FRMPD4: variants seen among roughly 807,000 people sequenced by gnomAD.
FRMPD4 encodes FERM and PDZ domain-containing protein 4.
Under a neutral mutation model 94.1 loss-of-function variants are expected in FRMPD4, and 22 were observed. That is an observed-to-expected ratio of 0.23 (90% confidence interval 0.17 to 0.33). The LOEUF is 0.33. Ranked by LOEUF, FRMPD4 falls within the 10% of genes least tolerant of loss-of-function variation. The pLI, the probability that FRMPD4 is intolerant of heterozygous loss-of-function variation, is 1.00. For synonymous variants in FRMPD4, 631 were observed against 548.6 expected (o/e 1.15, Z -2.10); for missense variants, 1,111 against 1,339.9 (o/e 0.83, Z 2.67).
intron 1 of FRMPD4, among the ~76,000 whole-genome samples, chrX:12,473,018 C>G (rs1370300547): frequency 9.1e-6 from 1 of 109,668 alleles, no homozygotes; most frequent in Admixed American, 9.5e-5. Context: ...TTGTCAGATT[C>G]ACCAAAGTTG....
chrX:12,717,052 C>T lies in FRMPD4; in HGVS notation c.2593C>T (p.Leu865=). ...TSAEGKCEKG[L]DNAVVSTLGA... ...CGCCGAAGGCAAGTGTGAGAAGGGA[C>T]TGGATAATGCCGTCGTCTCCACGCT... The change falls in exon 15 of 17, where the codon CTG becomes TTG. Residue 865 remains leucine, a synonymous_variant. Coordinates refer to ENST00000675598, the MANE Select transcript of FRMPD4 (RefSeq NM_001368397.1). The T allele has an allele frequency of 1.7e-6, 2 of 1,208,971 alleles. No individual in the cohort carries two copies. Among genetic ancestry groups the T allele is most frequent in the Non-Finnish European group, 2.2e-6 (2 of 892,787 alleles).
At chrX:12,649,677 A>G (rs2059580047) in intron 4 of FRMPD4, among the ~76,000 whole-genome samples, 1 of 112,455 alleles carries the variant, frequency 8.9e-6, no homozygotes, top group African/African-American at 3.2e-5. Context: ...ACATACTCGG[A>G]AGAGTTCTTG....
intron 1 of FRMPD4, among the ~76,000 whole-genome samples, chrX:12,328,418 T>C (rs2055321508): frequency 8.9e-6 from 1 of 111,919 alleles, no homozygotes; most frequent in Non-Finnish European, 1.9e-5. Context: ...CCATCCCAGC[T>C]GAGGCCACAC....
At chrX:12,512,712 A>T (rs2058056217) in intron 2 of FRMPD4, among the ~76,000 whole-genome samples, 1 of 112,589 alleles carries the variant, frequency 8.9e-6, no homozygotes. Flanking sequence ...TAATAGAATG[A>T]TCTATATTCC....
At chrX:12,561,396 G>A (rs2058658842) in intron 2 of FRMPD4, among the ~76,000 whole-genome samples, 1 of 112,139 alleles carries the variant, frequency 8.9e-6, no homozygotes. Flanking sequence ...TTAAGGAATT[G>A]TCTGCCTCTA....
At chrX:12,521,901 A>C (rs757589851) in intron 2 of FRMPD4, among the ~76,000 whole-genome samples, 1 of 53,089 alleles carries the variant, frequency 1.9e-5, no homozygotes, top group East Asian at 3.7e-4. Flanking sequence ...TGAATTTCTG[A>C]AGAAAGATAA....
intron 3 of FRMPD4, among the ~76,000 whole-genome samples, chrX:11,894,274 G>A (rs185465803): frequency 3.7e-4 from 41 of 112,249 alleles, no homozygotes; most frequent in African/African-American, 1.3e-3. Context: ...CTCATCATAT[G>A]AGAGTTATTC....
intron 1 of FRMPD4, among the ~76,000 whole-genome samples, chrX:12,443,466 C>CAGTTTTACA (rs1812917186): frequency 9.0e-6 from 1 of 111,641 alleles, no homozygotes; most frequent in Non-Finnish European, 1.9e-5. Flanking sequence ...GTTAAAAATT[C>CAGTTTTACA]AGTTTTACAC....
At chrX:12,100,334 C>T (rs2055244900) in intron 3 of FRMPD4, among the ~76,000 whole-genome samples, 1 of 111,883 alleles carries the variant, frequency 8.9e-6, no homozygotes, top group East Asian at 2.8e-4. Context: ...GATTTTAAAT[C>T]TCACAACAGC....
chrX:12,475,861 T>C (rs2057590677), intron 1 of FRMPD4, among the ~76,000 whole-genome samples: 1 of 111,266 alleles, frequency 9.0e-6, no homozygotes, highest in Non-Finnish European at 1.9e-5. Flanking sequence ...GTAGGAAGAA[T>C]CAATATTGTG....
At chrX:12,027,615 A>T (rs1290882653) in intron 3 of FRMPD4, among the ~76,000 whole-genome samples, 1 of 112,014 alleles carries the variant, frequency 8.9e-6, no homozygotes, top group Non-Finnish European at 1.9e-5. Flanking sequence ...CCTGATGCAA[A>T]AAAAAAATCA....
chrX:12,371,272 A>G (rs1197213577), intron 1 of FRMPD4, among the ~76,000 whole-genome samples: 1 of 112,648 alleles, frequency 8.9e-6, no homozygotes, highest in Non-Finnish European at 1.9e-5. Context: ...TTGGCTACCC[A>G]TATGGCGTAG....
At chrX:11,953,030 C>T (rs752591128) in intron 3 of FRMPD4, among the ~76,000 whole-genome samples, 6 of 111,624 alleles carry the variant, frequency 5.4e-5, no homozygotes, top group South Asian at 7.7e-4. Context: ...AACCTAATGA[C>T]ATGGCTGTGA....
intron 5 of FRMPD4, among the ~76,000 whole-genome samples, chrX:12,676,853 A>G (rs149427772): frequency 3.1e-3 from 345 of 112,118 alleles, no homozygotes; most frequent in African/African-American, 0.01. Context: ...AGGAAGTGTC[A>G]CATGTTCTTA....
At chrX:12,148,297 G>C (rs1357267253) in intron 1 of FRMPD4, among the ~76,000 whole-genome samples, 14 of 112,248 alleles carry the variant, frequency 1.2e-4, no homozygotes, top group Non-Finnish European at 1.9e-5. Context: ...CAAACGATAA[G>C]AAAGTGAAAC....
chrX:11,990,802 T>C (rs902349501), intron 3 of FRMPD4, among the ~76,000 whole-genome samples: 1 of 111,911 alleles, frequency 8.9e-6, no homozygotes, highest in Non-Finnish European at 1.9e-5. Context: ...TGTAATCTGG[T>C]GTGGAGCTAG....
At chrX:12,584,888 TGTGGA>T (rs755943692) in intron 2 of FRMPD4, among the ~76,000 whole-genome samples, 10 of 112,183 alleles carry the variant, frequency 8.9e-5, no homozygotes, top group Non-Finnish European at 1.7e-4. Flanking sequence ...TGCTAAAGTA[TGTGGA>T]GTGAATTGGG....
chrX:12,581,458 AAAGT>A (rs1209777164), intron 2 of FRMPD4, among the ~76,000 whole-genome samples: 4 of 108,567 alleles, frequency 3.7e-5, no homozygotes, highest in South Asian at 3.9e-4. Context: ...AGATATCTGA[AAAGT>A]AAGTATAACA....
intron 1 of FRMPD4, among the ~76,000 whole-genome samples, chrX:12,145,099 T>C (rs1479900257): frequency 1.8e-5 from 2 of 111,721 alleles, no homozygotes; most frequent in Non-Finnish European, 3.8e-5. Flanking sequence ...ATTTGCTTAA[T>C]TGAAAATAAG....
Sources: gnomAD v4.1 joint callset for allele counts (sites outside exome capture counted in the v4.1 genomes callset) on GRCh38, gnomAD v4.1.1 for gene constraint, MANE v1.5 for transcripts, NCBI Gene and HGNC (gene_info 2026-07-23, HGNC 2026-07-21) for gene names.